The following IDH3A variants were observed in gnomAD, a reference collection of about 807,000 sequenced individuals.
The protein encoded by IDH3A is isocitrate dehydrogenase [NAD] subunit alpha, mitochondrial.
In IDH3A, 23 loss-of-function variants were observed where a neutral mutation model predicts 43.3. That is an observed-to-expected ratio of 0.53 (90% CI 0.38 to 0.75). IDH3A has a LOEUF of 0.75. IDH3A is among the 30% of genes least tolerant of loss of function. The probability of loss-of-function intolerance (pLI) is 0.00; values close to 1 mark genes in which losing one functional copy is unlikely to be tolerated. For synonymous variants in IDH3A, 154 were observed against 163.5 expected (o/e 0.94, Z 0.44); for missense variants, 329 against 474.4 (o/e 0.69, Z 2.85).
intron 10 of IDH3A, among the ~76,000 whole-genome samples, chr15:78,166,828 CACCATGCTGGCCA>C (rs2074749166): frequency 6.6e-6 from 1 of 152,136 alleles, no homozygotes; most frequent in African/African-American, 2.4e-5. Flanking sequence ...GATGGGGTTT[CACCATGCTGGCCA>C]GGTTGGTCTC....
intron 6 of IDH3A, 43 bp from the exon 7 acceptor site, chr15:78,163,464 T>C: frequency 7.2e-7 from 1 of 1,385,182 alleles, no homozygotes; most frequent in East Asian, 2.3e-5. Context: ...CTTTTCTTTC[T>C]GTAAGACTTT....
In IDH3A at chr15:78,161,598, A is replaced by G. The variant is rs762403654; in HGVS notation, c.307A>G (p.Ile103Val). Reference protein sequence around the residue: ...MGLKGPLKTPIAAGHPSMNLL... With the variant: ...MGLKGPLKTPVAAGHPSMNLL... ...TATAACAGGCCCTTTGAAGACCCCAATAGCAGCCGGTCACCCATCTATGAA... is the reference window on the plus strand; with the variant it reads ...TATAACAGGCCCTTTGAAGACCCCAGTAGCAGCCGGTCACCCATCTATGAA... The change falls in exon 5 of 11, where the codon ATA becomes GTA. Residue 103 changes from isoleucine to valine, a missense_variant. Physicochemically the swap from Ile to Val is conservative, Grantham distance 29. Transcript: ENST00000299518. The surrounding 1 kb of genome is among the most constrained non-coding windows in gnomAD (Gnocchi z 4.8). The G allele has an allele frequency of 1.1e-5, 17 of 1,613,584 alleles. No homozygotes were observed. Among genetic ancestry groups the G allele is most frequent in the South Asian group, 2.2e-5 (2 of 91,092 alleles).
rs1346961925 is a variant in IDH3A at position 78,170,051 on chromosome 15, A to G, written c.*1046A>G. Reference sequence around the variant, plus strand: ...TCTGCCTCAGCAGTACCAGTATAAGATGACATTCCAAAGACTGGAGGCAAC... The same window carrying G: ...TCTGCCTCAGCAGTACCAGTATAAGGTGACATTCCAAAGACTGGAGGCAAC... On this transcript the variant is annotated 3_prime_UTR_variant, in exon 11 of 11. Transcript: ENST00000299518. The G allele has an allele frequency of 1.3e-5, 2 of 152,244 alleles. No homozygotes were observed. Among genetic ancestry groups the G allele is most frequent in the Non-Finnish European group, 2.9e-5 (2 of 68,046 alleles). The allele number at this position is 152,244 out of a possible 1,614,324, so 9.4% of individuals were successfully genotyped here.
Position 78,171,595 on chromosome 15 carries a change from A to G in IDH3A, c.*2590A>G. On this transcript the variant is annotated 3_prime_UTR_variant, in exon 11 of 11. Coordinates refer to ENST00000299518, the MANE Select transcript of IDH3A (RefSeq NM_005530.3). ...TGAGAACTCTGAGAATGTGTGTGGTAAAGACTCACACTCAGTCCTATATAT... is the reference window on the plus strand; with the variant it reads ...TGAGAACTCTGAGAATGTGTGTGGTGAAGACTCACACTCAGTCCTATATAT... 1 of 1,312,710 alleles carries G rather than the reference A, an allele frequency of 7.6e-7. No homozygotes were observed. The highest frequency in any genetic ancestry group is 1.1e-6 in the Non-Finnish European group (1 of 908,580). 81.3% of individuals were successfully genotyped at this position (1,312,710 alleles called of 1,614,324 possible).
Position 78,157,624 on chromosome 15 carries a change from C to T in IDH3A, c.167C>T (p.Ala56Val). The T allele has an allele frequency of 2.5e-6, 4 of 1,608,484 alleles. No individual in the cohort carries two copies. The highest frequency in any genetic ancestry group is 3.4e-6 in the Non-Finnish European group (4 of 1,175,836). The change falls in exon 3 of 11, where the codon GCT becomes GTT. Residue 56 changes from alanine to valine, a missense_variant. By Grantham distance (64) the Ala-to-Val change is moderately conservative. Transcript: ENST00000299518. ...GCTGCAGTTATGAAGATTTTTGATG[C>T]TGCCAAAGTAAGTGGGCTTAAAAAA... is the stretch of plus-strand genomic sequence containing the variant. ...ISAAVMKIFDAAKAPIQWEER... is the reference protein window; with the variant it reads ...ISAAVMKIFDVAKAPIQWEER...
chr15:78,162,481 G>T (rs1330899081), intron 6 of IDH3A, 114 bp downstream of exon 6: 6 of 1,143,700 alleles, frequency 5.2e-6, no homozygotes, highest in South Asian at 2.9e-5. Context: ...CTTTGAAAAA[G>T]AACTTTGTAA....
chr15:78,161,549 T>C lies in IDH3A; in HGVS notation c.290-32T>C. On this transcript the variant is annotated intron_variant, in intron 4 of 10. Coordinates refer to ENST00000299518, the MANE Select transcript of IDH3A (RefSeq NM_005530.3). The surrounding 1 kb of genome is among the most constrained non-coding windows in gnomAD (Gnocchi z 4.8). ...TCACACGTGAGACCAGAATTCCTTC[T>C]AGTGTCATCTGGGTTTTCTTCTGTA... The C allele has an allele frequency of 5.0e-6, 8 of 1,587,754 alleles. No individual in the cohort carries two copies. Among genetic ancestry groups the C allele is most frequent in the Non-Finnish European group, 5.2e-6 (6 of 1,163,988 alleles).
At chr15:78,166,078 C>A in intron 9 of IDH3A, 72 bp from the exon 10 acceptor site, 1 of 1,427,452 alleles carries the variant, frequency 7.0e-7, no homozygotes, top group Non-Finnish European at 9.8e-7. Flanking sequence ...ATGGTTAAGA[C>A]TCCAGCTTCC....
chr15:78,162,125 TG>T, intron 5 of IDH3A, 108 bp from the exon 6 acceptor site: 1 of 1,108,528 alleles, frequency 9.0e-7, no homozygotes, highest in Non-Finnish European at 1.3e-6. Flanking sequence ...TCATGCTAGC[TG>T]GCACTGTGCA....
At chr15:78,154,188 GAA>G (rs35197181) in intron 1 of IDH3A, among the ~76,000 whole-genome samples, 79 of 132,004 alleles carry the variant, frequency 6.0e-4, no homozygotes, top group Admixed American at 1.0e-3. Context: ...ATTGGAGAGA[GAA>G]AAAAAAAAAA....
chr15:78,162,288 C>T lies in IDH3A; in HGVS notation c.532C>T (p.Arg178Cys), dbSNP rs1404589314. The T allele has an allele frequency of 3.1e-6, 5 of 1,614,036 alleles. No homozygotes were observed. The highest frequency in any genetic ancestry group is 2.2e-5 in the East Asian group (1 of 44,890). Residue 178 changes from arginine to cysteine, a missense_variant, in exon 6 of 11, where the codon CGC becomes TGC. This residue lies in a region of IDH3A where 212 missense variants were observed against 345.5 expected (regional missense o/e 0.61). Transcript: ENST00000299518. ...IKLITEGASKRIAEFAFEYAR... is the reference protein window; with the variant it reads ...IKLITEGASKCIAEFAFEYAR... ...GCTCATCACCGAGGGGGCGAGCAAGCGCATTGCTGAGTTTGCCTTTGAGTA... is the reference window on the plus strand; with the variant it reads ...GCTCATCACCGAGGGGGCGAGCAAGTGCATTGCTGAGTTTGCCTTTGAGTA...
intron 2 of IDH3A, chr15:78,157,240 T>A: frequency 2.1e-6 from 2 of 945,690 alleles, no homozygotes; most frequent in Non-Finnish European, 2.7e-6. Flanking sequence ...CTTTGCAGCT[T>A]GTCTGAAAAG....
At position 78,164,392 on chromosome 15, in the gene IDH3A, G is replaced by A. The variant is rs149231571; in HGVS notation, c.780-600G>A. On this transcript the variant is annotated intron_variant, in intron 8 of 10. Coordinates refer to ENST00000299518, the MANE Select transcript of IDH3A (RefSeq NM_005530.3). ...TTTTGAGGCAGAGTCTTGCTCTGTCGCCTAGGCTGGAGTGCAGTGGCACAA... is the reference window on the plus strand; with the variant it reads ...TTTTGAGGCAGAGTCTTGCTCTGTCACCTAGGCTGGAGTGCAGTGGCACAA... 1.8e-4 allele frequency among the ~76,000 whole-genome samples: 26 copies of A among 142,944 alleles called. No homozygotes were observed. The East Asian group carries it at 4.4e-3, about 24-fold the overall frequency. 93.8% of individuals were successfully genotyped at this position (142,944 alleles called of 152,430 possible). A position where few individuals can be genotyped will look rare whatever the true frequency, so the allele number is the denominator to read the frequency against.
intron 3 of IDH3A, among the ~76,000 whole-genome samples, chr15:78,158,619 G>C (rs933780583): frequency 2.0e-5 from 3 of 149,626 alleles, no homozygotes; most frequent in African/African-American, 7.4e-5. Flanking sequence ...TGGGATTACA[G>C]GCACATGCCA....
chr15:78,156,977 A>C, intron 2 of IDH3A: 3 of 1,346,818 alleles, frequency 2.2e-6, no homozygotes, highest in Non-Finnish European at 2.9e-6. Context: ...GAACTAAGAA[A>C]AAAATGGAAG....
At chr15:78,156,381 G>C (rs1408578071) in intron 2 of IDH3A, among the ~76,000 whole-genome samples, 1 of 152,164 alleles carries the variant, frequency 6.6e-6, no homozygotes, top group Non-Finnish European at 1.5e-5. Context: ...ACTGAGGTGG[G>C]AGATTTGCTT....
In IDH3A at chr15:78,161,773, G is replaced by A; in HGVS notation, c.477+5G>A. ...TACAGTGGAATTGAGCATGTGGTAT[G>A]TTCACTCCAGATTCTTTTTTATTCC... On this transcript the variant is annotated splice_donor_5th_base_variant and intron_variant, in intron 5 of 10. Transcript: ENST00000299518. The surrounding 1 kb of genome is among the most constrained non-coding windows in gnomAD (Gnocchi z 4.8). The A allele has an allele frequency of 1.9e-6, 3 of 1,611,452 alleles. No homozygotes were observed. The highest frequency in any genetic ancestry group is 2.2e-5 in the South Asian group (2 of 91,034).
intron 1 of IDH3A, 84 bp downstream of exon 1, chr15:78,149,514 G>T: frequency 7.9e-7 from 1 of 1,260,854 alleles, no homozygotes; most frequent in Non-Finnish European, 1.1e-6. Flanking sequence ...GGTGTGGGCG[G>T]GCGCGTGGGC....
At chr15:78,164,304 T>TCCC (rs572499493) in intron 8 of IDH3A, among the ~76,000 whole-genome samples, 4 of 140,546 alleles carry the variant, frequency 2.8e-5, no homozygotes, top group African/African-American at 1.1e-4. Flanking sequence ...TCTCTCTCTC[T>TCCC]CCCCCCCCGA....
Sources: gnomAD v4.1 joint callset for allele counts (sites outside exome capture counted in the v4.1 genomes callset) on GRCh38, gnomAD v4.1.1 for gene constraint, gnomAD v4.1.1 regional missense constraint, Gnocchi (gnomAD v3.1) non-coding constraint, MANE v1.5 for transcripts, NCBI Gene and HGNC (gene_info 2026-07-23, HGNC 2026-07-21) for gene names.